The following LRRTM4 variants were observed in gnomAD, a reference collection of about 807,000 sequenced individuals.
LRRTM4 encodes leucine-rich repeat transmembrane neuronal protein 4.
LRRTM4 carries 25 observed loss-of-function variants against 47.6 expected under a neutral mutation model. The observed-to-expected ratio is 0.53, with a 90% CI of 0.38 to 0.73. The LOEUF (loss-of-function observed/expected upper bound fraction) is 0.73, where lower values mean the gene tolerates loss of function less well. LRRTM4 is among the 30% of genes least tolerant of loss of function. The probability of loss-of-function intolerance (pLI) is 0.00; values close to 1 mark genes in which losing one functional copy is unlikely to be tolerated. For missense variants in LRRTM4, 638 were observed against 713.4 expected (o/e 0.89, Z 1.20); for synonymous variants, 311 against 269.5 (o/e 1.15, Z -1.51).
intron 3 of LRRTM4, among the ~76,000 whole-genome samples, chr2:76,882,172 C>A (rs1162561465): frequency 6.6e-6 from 1 of 151,972 alleles, no homozygotes. Flanking sequence ...ATATTTTCTA[C>A]TAAGTGATGT....
chr2:77,349,867 A>G (rs1163121303), intron 3 of LRRTM4, among the ~76,000 whole-genome samples: 1 of 152,180 alleles, frequency 6.6e-6, no homozygotes, highest in Non-Finnish European at 1.5e-5. Context: ...AAAGCTAGCT[A>G]GTTAGCTAGC....
At chr2:76,935,245 G>A (rs889911149) in intron 3 of LRRTM4, among the ~76,000 whole-genome samples, 1 of 152,114 alleles carries the variant, frequency 6.6e-6, no homozygotes, top group Non-Finnish European at 1.5e-5. Context: ...CAAAAGCTTT[G>A]CTACTCTAGC....
chr2:76,960,534 A>C (rs973475043), intron 3 of LRRTM4, among the ~76,000 whole-genome samples: 7 of 151,474 alleles, frequency 4.6e-5, no homozygotes, highest in Non-Finnish European at 8.9e-5. Flanking sequence ...GTGAGACCTT[A>C]TTATCCAGCT....
chr2:77,363,271 A>G (rs577131923), intron 3 of LRRTM4, among the ~76,000 whole-genome samples: 2 of 152,354 alleles, frequency 1.3e-5, no homozygotes, highest in South Asian at 4.1e-4. Context: ...GTCATTGGCT[A>G]TATAAATATT....
intron 3 of LRRTM4, among the ~76,000 whole-genome samples, chr2:77,147,838 A>G (rs898646770): frequency 6.6e-6 from 1 of 152,224 alleles, no homozygotes. Context: ...TGTAAATAAC[A>G]TGAAAAAGAC....
chr2:77,013,579 T>C (rs988336850), intron 3 of LRRTM4, among the ~76,000 whole-genome samples: 5 of 151,668 alleles, frequency 3.3e-5, no homozygotes, highest in Admixed American at 6.6e-5. Context: ...TCCAAAACAA[T>C]TGACAGCCTA....
intron 3 of LRRTM4, among the ~76,000 whole-genome samples, chr2:76,858,252 C>G (rs1352050556): frequency 6.6e-6 from 1 of 152,130 alleles, no homozygotes; most frequent in African/African-American, 2.4e-5. Context: ...TAGGCCTCAT[C>G]CAACCAGGTG....
intron 3 of LRRTM4, among the ~76,000 whole-genome samples, chr2:76,785,225 T>G (rs1050049758): frequency 2.6e-5 from 4 of 152,168 alleles, no homozygotes; most frequent in African/African-American, 9.7e-5. Context: ...AAGACTTTAA[T>G]AACTGATTTG....
At chr2:77,386,740 G>T (rs1039718536) in intron 3 of LRRTM4, among the ~76,000 whole-genome samples, 1 of 152,018 alleles carries the variant, frequency 6.6e-6, no homozygotes, top group Non-Finnish European at 1.5e-5. Flanking sequence ...TGAACAGTGA[G>T]AACACATGGA....
intron 3 of LRRTM4, among the ~76,000 whole-genome samples, chr2:77,132,846 A>T (rs1301284812): frequency 6.6e-6 from 1 of 152,174 alleles, no homozygotes; most frequent in East Asian, 1.9e-4. Flanking sequence ...CATAGTTTTA[A>T]GGAAAATAAG....
chr2:76,987,373 T>C (rs1056796537), intron 3 of LRRTM4: 20 of 151,884 alleles, frequency 1.3e-4, no homozygotes, highest in African/African-American at 4.6e-4. Context: ...ATAATTGACC[T>C]TATATGTCTA....
At chr2:76,763,686 T>A (rs9917208) in intron 3 of LRRTM4, among the ~76,000 whole-genome samples, 5,864 of 152,234 alleles carry the variant, frequency 0.039, 167 homozygotes, top group South Asian at 0.11. Context: ...GTTTTGGATC[T>A]GGGTCATGGG....
intron 3 of LRRTM4, among the ~76,000 whole-genome samples, chr2:77,282,155 C>T (rs930264482): frequency 1.3e-5 from 2 of 151,756 alleles, no homozygotes; most frequent in African/African-American, 4.8e-5. Flanking sequence ...GATCTTTCAC[C>T]TCCTTGGTTA....
At chr2:77,283,595 A>G (rs1208639548) in intron 3 of LRRTM4, among the ~76,000 whole-genome samples, 1 of 152,100 alleles carries the variant, frequency 6.6e-6, no homozygotes, top group Admixed American at 6.6e-5. Context: ...GGTGGACTGG[A>G]TTAAGAAAAT....
chr2:77,147,702 C>T (rs557758683), intron 3 of LRRTM4, among the ~76,000 whole-genome samples: 112 of 152,088 alleles, frequency 7.4e-4, no homozygotes, highest in Middle Eastern at 3.4e-3. Context: ...TTTAAAACTC[C>T]CCCTTGGATG....
chr2:77,487,071 A>C (rs1161931801), intron 3 of LRRTM4, among the ~76,000 whole-genome samples: 2 of 152,252 alleles, frequency 1.3e-5, no homozygotes. Flanking sequence ...TGGCAGCAGC[A>C]GCCCATCTGG....
intron 3 of LRRTM4, among the ~76,000 whole-genome samples, chr2:77,078,380 C>A (rs199592076): frequency 7.2e-6 from 1 of 139,242 alleles, no homozygotes; most frequent in Non-Finnish European, 1.6e-5. Context: ...ACACACACAC[C>A]CACACACACA....
At chr2:77,464,230 A>G (rs1676893507) in intron 3 of LRRTM4, among the ~76,000 whole-genome samples, 1 of 152,072 alleles carries the variant, frequency 6.6e-6, no homozygotes, top group Non-Finnish European at 1.5e-5. Flanking sequence ...CAGCAAGACC[A>G]TCTGTGCCAC....
At chr2:76,868,877 T>TTAAAGTAATAAAAG (rs2104041657) in intron 3 of LRRTM4, among the ~76,000 whole-genome samples, 1 of 152,278 alleles carries the variant, frequency 6.6e-6, no homozygotes, top group East Asian at 1.9e-4. Flanking sequence ...TTTTCAAGTA[T>TTAAAGTAATAAAAG]CTGTATTATT....
Sources: allele counts gnomAD v4.1 joint callset (sites outside exome capture counted in the v4.1 genomes callset), GRCh38; gene constraint gnomAD v4.1.1; transcripts MANE v1.5; gene names NCBI Gene and HGNC (gene_info 2026-07-23, HGNC 2026-07-21).